PTPN13: variants seen among roughly 807,000 people sequenced by gnomAD.
PTPN13 encodes the protein tyrosine-protein phosphatase non-receptor type 13.
Under a neutral mutation model 284.0 loss-of-function variants are expected in PTPN13, and 191 were observed. The observed-to-expected ratio is 0.67, with a 90% CI of 0.60 to 0.76. PTPN13 has a LOEUF of 0.76. Among genes scored for constraint, PTPN13 ranks in the 30% least tolerant of loss-of-function variants. The probability of loss-of-function intolerance (pLI) is 0.00; values close to 1 mark genes in which losing one functional copy is unlikely to be tolerated. For missense variants in PTPN13, 2,797 were observed against 2,939.9 expected (o/e 0.95, Z 1.12); for synonymous variants, 986 against 1,022.3 (o/e 0.96, Z 0.68).
rs147253591 is a variant in PTPN13, at chr4:86,751,537, C to CT, written c.3166+415dup. Among the ~76,000 whole-genome samples, 396 of 152,200 alleles carry CT rather than the reference C, an allele frequency of 2.6e-3. 4 individuals carry two copies. Among genetic ancestry groups the CT allele is most frequent in the African/African-American group, 9.2e-3 (384 of 41,528 alleles). On this transcript the variant is annotated intron_variant, in intron 19 of 47. Coordinates refer to ENST00000411767, the MANE Select transcript of PTPN13 (RefSeq NM_080683.3). Reference sequence around the variant, plus strand: ...GTTTCACTATGTTGCCCAGGTTGGTCTTGAACTCCTGGACTCAAGGGGTCT... The same window carrying CT: ...GTTTCACTATGTTGCCCAGGTTGGTCTTTGAACTCCTGGACTCAAGGGGTCT...
At chr4:86,795,194 A>G (rs995896910) in intron 40 of PTPN13, among the ~76,000 whole-genome samples, 2 of 152,242 alleles carry the variant, frequency 1.3e-5, no homozygotes, top group African/African-American at 4.8e-5. Flanking sequence ...ACAAATTTAC[A>G]AGAAAAAAGC....
chr4:86,721,782 A>G (rs1476631688), intron 9 of PTPN13, among the ~76,000 whole-genome samples: 2 of 136,698 alleles, frequency 1.5e-5, no homozygotes, highest in South Asian at 2.5e-4. Context: ...TCTGTCACCC[A>G]GGATGGAGTG....
chr4:86,693,737 A>G (rs1254360601), intron 6 of PTPN13, 63 bp downstream of exon 6: 1 of 1,190,718 alleles, frequency 8.4e-7, no homozygotes, highest in African/African-American at 1.5e-5. Context: ...TCTTTACAAA[A>G]TTATACTTAC....
At chr4:86,626,917 A>C (rs1419294992) in intron 1 of PTPN13, among the ~76,000 whole-genome samples, 1 of 152,154 alleles carries the variant, frequency 6.6e-6, no homozygotes, top group Non-Finnish European at 1.5e-5. Context: ...CATGTTCATC[A>C]CAGCATTATG....
intron 1 of PTPN13, among the ~76,000 whole-genome samples, chr4:86,624,204 A>T (rs112483832): frequency 6.6e-6 from 1 of 152,010 alleles, no homozygotes; most frequent in East Asian, 1.9e-4. Context: ...CATAGACCCC[A>T]TAATCCTTCC....
chr4:86,633,104 C>G (rs1288138434), intron 1 of PTPN13, among the ~76,000 whole-genome samples: 2 of 152,132 alleles, frequency 1.3e-5, no homozygotes, highest in Non-Finnish European at 2.9e-5. Context: ...CTATGCTCAG[C>G]CTTCACCCTT....
chr4:86,789,610 T>C (rs1420675212), intron 40 of PTPN13, among the ~76,000 whole-genome samples: 2 of 152,186 alleles, frequency 1.3e-5, no homozygotes, highest in African/African-American at 4.8e-5. Flanking sequence ...TTACTGGATC[T>C]GGATTCCTTG....
In PTPN13 at chr4:86,771,354, T is replaced by C. The variant is rs1210701745; in HGVS notation, c.4987T>C (p.Leu1663=). 6.3e-7 allele frequency: 1 copy of C among 1,587,032 alleles called. No individual in the cohort carries two copies. The highest frequency in any genetic ancestry group is 2.3e-5 in the East Asian group (1 of 43,678). ...SDSSGSGEDD[L]VTAPANISNS... Reference sequence around the variant, plus strand: ...CAGCAGTGGGAGTGGAGAAGATGACTTAGTGACAGCTCCAGCAAACATATC... The same window carrying C: ...CAGCAGTGGGAGTGGAGAAGATGACCTAGTGACAGCTCCAGCAAACATATC... The change falls in exon 31 of 48, where the codon TTA becomes CTA. Residue 1663 remains leucine, a synonymous_variant. Coordinates refer to ENST00000411767, the MANE Select transcript of PTPN13 (RefSeq NM_080683.3).
intron 2 of PTPN13, among the ~76,000 whole-genome samples, chr4:86,668,616 G>T (rs1335013802): frequency 1.3e-5 from 2 of 151,544 alleles, no homozygotes; most frequent in African/African-American, 4.9e-5. Context: ...TTTTTCTTGA[G>T]ACAGAGTCTC....
chr4:86,702,552 T>C (rs745944392), intron 7 of PTPN13, among the ~76,000 whole-genome samples: 1 of 152,150 alleles, frequency 6.6e-6, no homozygotes, highest in Non-Finnish European at 1.5e-5. Context: ...AATATAAAAA[T>C]AACTTTATAA....
chr4:86,596,675 G>C (rs1035533565), intron 1 of PTPN13, among the ~76,000 whole-genome samples: 3 of 152,150 alleles, frequency 2.0e-5, no homozygotes, highest in Non-Finnish European at 4.4e-5. Flanking sequence ...AATGTGTTAA[G>C]GATTGGATGG....
chr4:86,756,776 C>A (rs1738021834), intron 20 of PTPN13, among the ~76,000 whole-genome samples: 1 of 152,036 alleles, frequency 6.6e-6, no homozygotes, highest in African/African-American at 2.4e-5. Context: ...CATATTAATG[C>A]AATTTTAAGT....
intron 2 of PTPN13, among the ~76,000 whole-genome samples, chr4:86,660,946 A>G (rs1241425149): frequency 6.6e-6 from 1 of 152,158 alleles, no homozygotes; most frequent in Non-Finnish European, 1.5e-5. Context: ...GATAAATGTT[A>G]CTTTTACTCA....
chr4:86,776,014 T>C (rs1228762889), intron 35 of PTPN13, among the ~76,000 whole-genome samples: 3 of 152,184 alleles, frequency 2.0e-5, no homozygotes, highest in African/African-American at 7.2e-5. Context: ...GGTGCAATCT[T>C]GGCTCACTGC....
At chr4:86,700,488 ATGAC>A (rs1731041387) in intron 6 of PTPN13, among the ~76,000 whole-genome samples, 1 of 152,160 alleles carries the variant, frequency 6.6e-6, no homozygotes, top group Non-Finnish European at 1.5e-5. Flanking sequence ...AAAAAGTAAA[ATGAC>A]TACTGATTTT....
chr4:86,794,332 A>G (rs1474372085), intron 40 of PTPN13, among the ~76,000 whole-genome samples: 1 of 152,112 alleles, frequency 6.6e-6, no homozygotes, highest in Non-Finnish European at 1.5e-5. Flanking sequence ...TAGGAATCCA[A>G]CTTACGAGGG....
At chr4:86,711,100 T>TTTTTTTTTTTTTTTTTTC (rs1732365086) in intron 7 of PTPN13, among the ~76,000 whole-genome samples, 1 of 141,088 alleles carries the variant, frequency 7.1e-6, no homozygotes, top group African/African-American at 2.7e-5. Flanking sequence ...ATTATTGCCT[T>TTTTTTTTTTTTTTTTTTC]TTTTTTTTTT....
chr4:86,780,635 C>G (rs969934955), intron 36 of PTPN13, among the ~76,000 whole-genome samples, 163 bp downstream of exon 36: 2 of 152,146 alleles, frequency 1.3e-5, no homozygotes, highest in Non-Finnish European at 2.9e-5. Flanking sequence ...GAAAGTAAGC[C>G]TATATTCTAC....
intron 42 of PTPN13, among the ~76,000 whole-genome samples, chr4:86,801,674 TTC>T (rs1197178155): frequency 6.6e-6 from 1 of 152,178 alleles, no homozygotes; most frequent in African/African-American, 2.4e-5. Flanking sequence ...ACTGAAATAA[TTC>T]AGTGTTTAGT....
Sources: allele counts gnomAD v4.1 joint callset (sites outside exome capture counted in the v4.1 genomes callset), GRCh38; gene constraint gnomAD v4.1.1; transcripts MANE v1.5; gene names NCBI Gene and HGNC (gene_info 2026-07-23, HGNC 2026-07-21).